BICRAL: variants seen among roughly 807,000 people sequenced by gnomAD.
The protein encoded by BICRAL is BRD4-interacting chromatin-remodeling complex-associated protein-like.
In BICRAL, 8 loss-of-function variants were observed where a neutral mutation model predicts 91.8. The observed-to-expected ratio is 0.09, with a 90% confidence interval of 0.05 to 0.16. The LOEUF (loss-of-function observed/expected upper bound fraction) is 0.16, where lower values mean the gene tolerates loss of function less well. Ranked by LOEUF, BICRAL falls within the 10% of genes least tolerant of loss-of-function variation. The probability of loss-of-function intolerance (pLI) is 1.00; values close to 1 mark genes in which losing one functional copy is unlikely to be tolerated. For missense variants in BICRAL, 1,038 were observed against 1,310.9 expected, an observed-to-expected ratio of 0.79 and a Z score of 3.21; for synonymous variants, 445 against 491.1, an observed-to-expected ratio of 0.91 and a Z score of 1.24.
intron 2 of BICRAL, among the ~76,000 whole-genome samples, chr6:42,813,813 G>C (rs1459433590): frequency 1.3e-5 from 2 of 151,990 alleles, no homozygotes; most frequent in African/African-American, 4.8e-5. Flanking sequence ...GAGCCACCGT[G>C]CCCATCTCAC....
chr6:42,828,019 T>C (rs559938297), intron 5 of BICRAL, among the ~76,000 whole-genome samples: 2 of 152,336 alleles, frequency 1.3e-5, no homozygotes, highest in South Asian at 4.1e-4. Flanking sequence ...CATATACTTA[T>C]AATGTCAAGC....
intron 1 of BICRAL, among the ~76,000 whole-genome samples, chr6:42,775,055 C>T (rs778919096): frequency 5.9e-5 from 9 of 152,092 alleles, no homozygotes; most frequent in South Asian, 2.1e-4. Flanking sequence ...GTCTCAGCCT[C>T]TCAAGTAGTT....
chr6:42,857,614 A>AAAAAAAAAAAAAAAAT, intron 10 of BICRAL, among the ~76,000 whole-genome samples: 1 of 96,242 alleles, frequency 1.0e-5, no homozygotes. Flanking sequence ...AAAAAAAAAA[A>AAAAAAAAAAAAAAAAT]ATATATATAT....
In BICRAL at chr6:42,852,210, C is replaced by T. The variant is rs767140460; in HGVS notation, c.1945+13C>T. The T allele has an allele frequency of 2.7e-6, 4 of 1,507,152 alleles. No individual in the cohort carries two copies. The highest frequency in any genetic ancestry group is 4.5e-5 in the East Asian group (2 of 44,396). The allele number at this position is 1,507,152 out of a possible 1,614,324, so 93.4% of individuals were successfully genotyped here. A position where few individuals can be genotyped will look rare whatever the true frequency, so the allele number is the denominator to read the frequency against. On this transcript the variant is annotated intron_variant, in intron 7 of 12. Coordinates refer to ENST00000314073, the MANE Select transcript of BICRAL (RefSeq NM_001393499.1). ...ACCACACTGCCAGGTCAGGAGCTTC[C>T]TCAGTTTGTCCCTGTCCTCCCAACA...
chr6:42,833,212 T>C (rs1195144170), intron 6 of BICRAL, among the ~76,000 whole-genome samples: 2 of 151,432 alleles, frequency 1.3e-5, no homozygotes, highest in South Asian at 2.1e-4. Flanking sequence ...CCCGCCACCA[T>C]GCCTGGCTAG....
Position 42,860,339 on chromosome 6 carries a change from C to G in BICRAL, c.2332C>G (p.Leu778Val). The change falls in exon 11 of 13, where the codon CTC becomes GTC. Residue 778 changes from leucine (L) to valine (V), a missense_variant. Around this residue, in one of 5 missense-constraint regions of BICRAL, gnomAD observed 294 missense variants for 292.6 expected, o/e 1.00. Coordinates refer to ENST00000314073, the MANE Select transcript of BICRAL (RefSeq NM_001393499.1). ...QAMLNKYRCL[L>V]LEDAMRINPS... ...TATGCTTAACAAATACAGATGCCTG[C>G]TCCTAGAAGATGCCATGGTAAAAGT... 6.2e-7 allele frequency: 1 copy of G among 1,602,990 alleles called. No individual in the cohort carries two copies. Among genetic ancestry groups the G allele is most frequent in the Non-Finnish European group, 8.5e-7 (1 of 1,170,436 alleles).
intron 1 of BICRAL, among the ~76,000 whole-genome samples, chr6:42,754,895 C>G (rs1562447298): frequency 6.6e-6 from 1 of 152,186 alleles, no homozygotes; most frequent in African/African-American, 2.4e-5. Flanking sequence ...GACCCTGTCT[C>G]TAAACAAAAG....
chr6:42,789,854 C>T (rs559386392), intron 1 of BICRAL, among the ~76,000 whole-genome samples: 2 of 152,254 alleles, frequency 1.3e-5, no homozygotes, highest in African/African-American at 2.4e-5. Context: ...ACATTATTTG[C>T]TCCCATGTTT....
upstream of BICRAL, among the ~76,000 whole-genome samples, chr6:42,779,221 AAAACACAC>A (rs1204209805): frequency 2.6e-3 from 269 of 105,240 alleles, 2 homozygotes; most frequent in African/African-American, 7.9e-3. Context: ...TGTCTCAAGA[AAAACACAC>A]ACACACACAC....
upstream of BICRAL, among the ~76,000 whole-genome samples, chr6:42,781,242 C>A (rs1342705639): frequency 1.3e-5 from 2 of 152,074 alleles, no homozygotes; most frequent in African/African-American, 4.8e-5. Flanking sequence ...AAAGAGAAGG[C>A]AGTAGAAAAT....
Position 42,822,001 on chromosome 6 carries a change from C to T in BICRAL, c.-5-17C>T, listed in dbSNP as rs997958512. 6.3e-7 allele frequency: 1 copy of T among 1,577,940 alleles called. No individual in the cohort carries two copies. Among genetic ancestry groups the T allele is most frequent in the Non-Finnish European group, 8.7e-7 (1 of 1,148,116 alleles). ...CTGCTTTACTGAAACCTGTTTTCCTCTCCCTTTTCTTTATAGTTGTCATGG... is the reference window on the plus strand; with the variant it reads ...CTGCTTTACTGAAACCTGTTTTCCTTTCCCTTTTCTTTATAGTTGTCATGG... On this transcript the variant is annotated splice_polypyrimidine_tract_variant and intron_variant, in intron 2 of 12. Transcript: ENST00000314073.
intron 1 of BICRAL, among the ~76,000 whole-genome samples, chr6:42,794,106 C>T (rs1454908896): frequency 6.6e-6 from 1 of 151,738 alleles, no homozygotes; most frequent in African/African-American, 2.4e-5. Flanking sequence ...TCTTGAACTC[C>T]TGAGCTACAG....
At chr6:42,825,259 CAAAA>C (rs398001338) in intron 5 of BICRAL, among the ~76,000 whole-genome samples, 1 of 52,764 alleles carries the variant, frequency 1.9e-5, no homozygotes, top group African/African-American at 6.6e-5. Flanking sequence ...GACTCTGTCT[CAAAA>C]AAAAAAAAAA....
chr6:42,782,747 G>A (rs1180471743), intron 1 of BICRAL, among the ~76,000 whole-genome samples: 1 of 151,872 alleles, frequency 6.6e-6, no homozygotes, highest in African/African-American at 2.4e-5. Flanking sequence ...CCCCGGAGCC[G>A]CCGGGAGCCG....
intron 6 of BICRAL, among the ~76,000 whole-genome samples, chr6:42,846,416 TAAAG>T (rs968999471): frequency 3.9e-5 from 6 of 152,050 alleles, no homozygotes; most frequent in African/African-American, 1.4e-4. Flanking sequence ...AATAAATAAA[TAAAG>T]AGTTATAGAT....
At chr6:42,791,116 A>C (rs1041864808) in intron 1 of BICRAL, among the ~76,000 whole-genome samples, 9 of 152,016 alleles carry the variant, frequency 5.9e-5, no homozygotes, top group Non-Finnish European at 1.0e-4. Context: ...GGAGGATGAA[A>C]GAGGACCTGG....
At chr6:42,822,707 A>G in intron 3 of BICRAL, 89 bp from the exon 4 acceptor site, 1 of 680,132 alleles carries the variant, frequency 1.5e-6, no homozygotes, top group Non-Finnish European at 2.5e-6. Context: ...GTAATAAATC[A>G]TTTTCTTTCT....
intron 1 of BICRAL, among the ~76,000 whole-genome samples, chr6:42,762,917 G>GATC (rs943941074): frequency 2.0e-4 from 30 of 149,792 alleles, no homozygotes; most frequent in African/African-American, 6.9e-4. Flanking sequence ...AACAGAGTGA[G>GATC]ACTCTGTCTC....
At chr6:42,797,879 G>GGCA (rs754794329) in intron 1 of BICRAL, among the ~76,000 whole-genome samples, 10 of 152,114 alleles carry the variant, frequency 6.6e-5, no homozygotes, top group Non-Finnish European at 1.3e-4. Context: ...CAGAGGCTGA[G>GGCA]GCAGGAGAAT....
Sources: allele counts gnomAD v4.1 joint callset (sites outside exome capture counted in the v4.1 genomes callset), GRCh38; gene constraint gnomAD v4.1.1; regional missense constraint gnomAD v4.1.1; transcripts MANE v1.5; gene names NCBI Gene and HGNC (gene_info 2026-07-23, HGNC 2026-07-21).